IDE: variants seen among roughly 807,000 people sequenced by gnomAD.
The protein encoded by IDE is insulin-degrading enzyme.
Under a neutral mutation model 133.2 loss-of-function variants are expected in IDE, and 58 were observed. The observed-to-expected ratio is 0.44, with a 90% confidence interval of 0.35 to 0.54. IDE has a LOEUF of 0.54. Among genes scored for constraint, IDE ranks in the 20% least tolerant of loss-of-function variants. The pLI is 0.00. For synonymous variants in IDE, 396 were observed against 421.3 expected (o/e 0.94, Z 0.73); for missense variants, 981 against 1,234.0 (o/e 0.79, Z 3.07).
intron 4 of IDE, among the ~76,000 whole-genome samples, chr10:92,523,402 G>T (rs898036644): frequency 6.6e-6 from 1 of 151,508 alleles, no homozygotes; most frequent in Non-Finnish European, 1.5e-5. Context: ...AGAAAAGAAA[G>T]AAATTTTCTT....
chr10:92,503,015 T>C (rs1848105106), intron 11 of IDE, among the ~76,000 whole-genome samples: 3 of 152,160 alleles, frequency 2.0e-5, no homozygotes, highest in African/African-American at 7.2e-5. Context: ...TCTAAATAAT[T>C]TCACATGTTA....
At chr10:92,475,053 A>G in intron 16 of IDE, 92 bp from the exon 17 acceptor site, 1 of 918,296 alleles carries the variant, frequency 1.1e-6, no homozygotes, top group South Asian at 1.7e-5. Context: ...TTCTCTATAA[A>G]CTGTATTACT....
intron 1 of IDE, among the ~76,000 whole-genome samples, chr10:92,565,183 G>C (rs920938184): frequency 1.3e-5 from 2 of 150,870 alleles, no homozygotes; most frequent in African/African-American, 2.4e-5. Flanking sequence ...GGCGGAGGCT[G>C]CAGTGGGTCA....
At chr10:92,473,067 C>T (rs1039260027) in intron 17 of IDE, among the ~76,000 whole-genome samples, 11 of 151,458 alleles carry the variant, frequency 7.3e-5, no homozygotes, top group African/African-American at 9.7e-5. Context: ...CTCAGCCTCC[C>T]GAGTAGCTGG....
At chr10:92,533,615 T>C (rs1850064152) in intron 3 of IDE, among the ~76,000 whole-genome samples, 1 of 151,916 alleles carries the variant, frequency 6.6e-6, no homozygotes, top group Admixed American at 6.6e-5. Flanking sequence ...CCATAATGCT[T>C]TGGACTACCA....
chr10:92,570,649 A>C (rs1843738599), intron 1 of IDE, among the ~76,000 whole-genome samples: 1 of 152,174 alleles, frequency 6.6e-6, no homozygotes, highest in African/African-American at 2.4e-5. Context: ...GGCCTGGCAC[A>C]GTGGCTCATG....
chr10:92,553,552 A>C (rs1211040449), intron 1 of IDE, among the ~76,000 whole-genome samples: 1 of 152,194 alleles, frequency 6.6e-6, no homozygotes, highest in Admixed American at 6.5e-5. Context: ...TTACAAGAAA[A>C]GAAAACTACA....
chr10:92,552,054 T>C, intron 1 of IDE, among the ~76,000 whole-genome samples: 1 of 151,468 alleles, frequency 6.6e-6, no homozygotes, highest in East Asian at 1.9e-4. Flanking sequence ...GATGGGGGGG[T>C]GGGGTGAGAA....
intron 1 of IDE, among the ~76,000 whole-genome samples, chr10:92,548,153 A>T (rs1378819722): frequency 1.3e-5 from 2 of 152,014 alleles, no homozygotes; most frequent in Admixed American, 6.6e-5. Context: ...TGAGGTCGGG[A>T]GTTCAAGACC....
chr10:92,484,778 C>T (rs1201951842), intron 13 of IDE, among the ~76,000 whole-genome samples: 1 of 151,264 alleles, frequency 6.6e-6, no homozygotes, highest in Non-Finnish European at 1.5e-5. Context: ...GTGTGAGAAA[C>T]CAGGCATGAT....
intron 10 of IDE, among the ~76,000 whole-genome samples, chr10:92,505,978 G>A (rs1294623770): frequency 6.6e-6 from 1 of 152,134 alleles, no homozygotes. Context: ...AAACAGAGGA[G>A]TGAAACATTC....
At chr10:92,498,618 G>A (rs1212744336) in intron 11 of IDE, among the ~76,000 whole-genome samples, 5 of 151,968 alleles carry the variant, frequency 3.3e-5, no homozygotes, top group Admixed American at 6.6e-5. Flanking sequence ...TTAGCTGGGC[G>A]TGGTGGCAGG....
At chr10:92,548,904 C>T (rs1842655778) in intron 1 of IDE, among the ~76,000 whole-genome samples, 1 of 152,138 alleles carries the variant, frequency 6.6e-6, no homozygotes, top group African/African-American at 2.4e-5. Context: ...ACTGAAGGTG[C>T]TAATGGCACA....
At chr10:92,485,125 C>CTTTTTTTTT (rs34615998) in intron 13 of IDE, among the ~76,000 whole-genome samples, 115 of 100,840 alleles carry the variant, frequency 1.1e-3, no homozygotes, top group African/African-American at 1.6e-3. Context: ...TTCTTTCTTT[C>CTTTTTTTTT]TTTTTTTTTT....
chr10:92,508,596 C>A (rs187127163), intron 7 of IDE, 132 bp downstream of exon 7: 1 of 677,442 alleles, frequency 1.5e-6, no homozygotes, highest in Non-Finnish European at 2.4e-6. Flanking sequence ...TGCCAACAAC[C>A]ACCATCTCAC....
At chr10:92,530,958 A>C (rs1344272607) in intron 4 of IDE, among the ~76,000 whole-genome samples, 1 of 152,178 alleles carries the variant, frequency 6.6e-6, no homozygotes, top group Non-Finnish European at 1.5e-5. Flanking sequence ...TTTTAAGCAT[A>C]AATTTCTAAG....
chr10:92,461,553 G>A (rs1384739829), intron 21 of IDE, among the ~76,000 whole-genome samples: 2 of 151,016 alleles, frequency 1.3e-5, no homozygotes, highest in African/African-American at 4.9e-5. Context: ...ATGGGGTTTC[G>A]CCATGTTGGC....
At chr10:92,488,477 A>G (rs1847136902) in intron 12 of IDE, among the ~76,000 whole-genome samples, 2 of 152,118 alleles carry the variant, frequency 1.3e-5, no homozygotes, top group African/African-American at 4.8e-5. Context: ...TTCAAGCACA[A>G]GGTTAAGAAC....
intron 11 of IDE, among the ~76,000 whole-genome samples, chr10:92,499,929 G>A (rs947334332): frequency 9.2e-5 from 14 of 152,060 alleles, no homozygotes; most frequent in African/African-American, 3.4e-4. Context: ...ATATAGATAC[G>A]CAGCTAGTAG....
Sources: allele counts gnomAD v4.1 joint callset (sites outside exome capture counted in the v4.1 genomes callset), GRCh38; gene constraint gnomAD v4.1.1; transcripts MANE v1.5; gene names NCBI Gene and HGNC (gene_info 2026-07-23, HGNC 2026-07-21).